The following ANKS3 variants were observed in gnomAD, a reference collection of about 807,000 sequenced individuals.
ANKS3 encodes the protein ankyrin repeat and SAM domain-containing protein 3.
A neutral mutation model predicts 80.7 loss-of-function variants in ANKS3; 62 were observed. The ratio of observed to expected loss-of-function variants is 0.77; its 90% CI spans 0.63 to 0.95. The LOEUF (loss-of-function observed/expected upper bound fraction) is 0.95. Among genes scored for constraint, ANKS3 ranks in the 40% least tolerant of loss-of-function variants. The pLI, the probability that ANKS3 is intolerant of heterozygous loss-of-function variation, is 0.00. For missense variants in ANKS3, 1,150 were observed against 883.6 expected, an observed-to-expected ratio of 1.30 and a Z score of -3.82; for synonymous variants, 489 against 355.3, an observed-to-expected ratio of 1.38 and a Z score of -4.23.
At chr16:4,713,229 T>C (rs1039526917) in intron 7 of ANKS3, among the ~76,000 whole-genome samples, 2 of 151,924 alleles carry the variant, frequency 1.3e-5, no homozygotes, top group Non-Finnish European at 2.9e-5. Context: ...GATCGCTTCA[T>C]TGCACTCCAG....
In ANKS3 at chr16:4,708,035, A is replaced by G. The variant is rs578224386; in HGVS notation, c.710-2782T>C. On this transcript the variant is annotated intron_variant, in intron 7 of 17. Coordinates refer to ENST00000304283, the MANE Select transcript of ANKS3 (RefSeq NM_133450.4). The stretch of plus-strand genomic sequence containing the variant: ...GAGGCTGAGGCAGGAGAGTCGCTTG[A>G]ACCTGGGAGGCAGAGGTTGCAGTGA... 1.4e-3 allele frequency among the ~76,000 whole-genome samples: 218 copies of G among 152,270 alleles called. 1 individual carries two copies. The highest frequency in any genetic ancestry group is 5.1e-3 in the African/African-American group (212 of 41,530).
At chr16:4,697,879 C>A in intron 15 of ANKS3, 98 bp downstream of exon 15, 1 of 1,146,836 alleles carries the variant, frequency 8.7e-7, no homozygotes, top group South Asian at 1.6e-5. Context: ...GAGTGGCTGC[C>A]GGCCGGAGAA....
intron 4 of ANKS3, 73 bp from the exon 5 acceptor site, chr16:4,726,853 T>A: frequency 6.3e-7 from 1 of 1,597,540 alleles, no homozygotes. Context: ...CAGGCGGCCA[T>A]GCTGCAAGAA....
At chr16:4,729,909 C>T in intron 3 of ANKS3, 71 bp downstream of exon 3, 3 of 1,347,966 alleles carry the variant, frequency 2.2e-6, no homozygotes, top group Non-Finnish European at 2.9e-6. Flanking sequence ...TGTGCAAAGC[C>T]CCATCACGTG....
chr16:4,726,951 T>C (rs776218148), intron 4 of ANKS3, 28 bp downstream of exon 4: 1 of 1,613,368 alleles, frequency 6.2e-7, no homozygotes, highest in Non-Finnish European at 8.5e-7. Flanking sequence ...CCCTCAGGTT[T>C]CTGGGCCTGA....
chr16:4,731,974 G>T (rs1194160184), intron 1 of ANKS3, among the ~76,000 whole-genome samples: 1 of 152,180 alleles, frequency 6.6e-6, no homozygotes, highest in Non-Finnish European at 1.5e-5. Context: ...AGGTTGTGAT[G>T]ACCTACAGGT....
intron 8 of ANKS3, 122 bp downstream of exon 8, chr16:4,704,973 T>A (rs1423568565): frequency 7.5e-7 from 1 of 1,325,622 alleles, no homozygotes; most frequent in Non-Finnish European, 1.0e-6. Context: ...GGGCCACCTG[T>A]CCCGCTGCCA....
At chr16:4,709,307 G>A (rs2080364453) in intron 7 of ANKS3, among the ~76,000 whole-genome samples, 1 of 151,762 alleles carries the variant, frequency 6.6e-6, no homozygotes, top group South Asian at 2.1e-4. Flanking sequence ...TAGGGAGGCT[G>A]AGGCAGGAGA....
At chr16:4,726,256 G>C (rs1029309715) in intron 5 of ANKS3, among the ~76,000 whole-genome samples, 40 of 151,888 alleles carry the variant, frequency 2.6e-4, no homozygotes, top group Middle Eastern at 3.2e-3. Flanking sequence ...GATCACAGGC[G>C]TGAGCCACCA....
chr16:4,716,741 C>A (rs1420906134), intron 6 of ANKS3, among the ~76,000 whole-genome samples: 1 of 149,518 alleles, frequency 6.7e-6, no homozygotes, highest in Non-Finnish European at 1.5e-5. Flanking sequence ...GTGGTGAAAC[C>A]CCGTCTCTAC....
rs550736814 is a variant in ANKS3 at position 4,702,629 on chromosome 16, C to A, written c.869-387G>T. On this transcript the variant is annotated intron_variant, in intron 8 of 17. Transcript: ENST00000304283. ...ACCCATCGACCACGTGTCTTTATGT[C>A]CCTGTGACCTTTAACCACAGGCGCT... 1.6e-4 allele frequency among the ~76,000 whole-genome samples: 24 copies of A among 152,270 alleles called. No homozygotes were observed. The South Asian group carries it at 5.0e-3, about 32-fold the overall frequency.
intron 10 of ANKS3, 92 bp downstream of exon 10, chr16:4,701,342 T>A: frequency 7.3e-7 from 1 of 1,376,116 alleles, no homozygotes; most frequent in Non-Finnish European, 9.9e-7. Flanking sequence ...CAGCTGCTTC[T>A]TACATACATG....
chr16:4,698,989 T>A, intron 12 of ANKS3, 48 bp from the exon 13 acceptor site: 1 of 1,613,836 alleles, frequency 6.2e-7, no homozygotes, highest in Non-Finnish European at 8.5e-7. Flanking sequence ...CCAAGAGCGC[T>A]TACATGAGTG....
chr16:4,726,150 G>C (rs568966720), intron 5 of ANKS3, among the ~76,000 whole-genome samples: 1 of 149,990 alleles, frequency 6.7e-6, no homozygotes, highest in African/African-American at 2.5e-5. Flanking sequence ...TAATTTTTTC[G>C]TATTTTTAGT....
In ANKS3 at chr16:4,698,573, C is replaced by A. The variant is rs2079714412; in HGVS notation, c.1578G>T (p.Arg526=). ...GCTCCTGCTCCTGACACACCTGGCC[C>A]CGCGTGGCCTCTACCTCCTCGCAGC... The part of the protein sequence containing the change: ...HKRCEEVEAT[R]GQVCQEQELR... Residue 526 remains arginine (R), a synonymous_variant, in exon 14 of 18, where the codon CGG becomes CGT. Coordinates refer to ENST00000304283, the MANE Select transcript of ANKS3 (RefSeq NM_133450.4). 2 of 1,577,630 alleles carry A rather than the reference C, an allele frequency of 1.3e-6. No homozygotes were observed. Among genetic ancestry groups the A allele is most frequent in the Non-Finnish European group, 1.7e-6 (2 of 1,169,348 alleles).
chr16:4,717,742 C>T (rs1364679211), intron 6 of ANKS3, among the ~76,000 whole-genome samples: 1 of 152,070 alleles, frequency 6.6e-6, no homozygotes, highest in African/African-American at 2.4e-5. Flanking sequence ...CTGACCTCCC[C>T]AGCTCAAGTG....
Position 4,698,886 on chromosome 16 carries a change from C to A in ANKS3, c.1465G>T (p.Ala489Ser). Residue 489 changes from alanine (A) to serine (S), a missense_variant, in exon 13 of 18, where the codon GCC (alanine) becomes TCC (serine). Coordinates refer to ENST00000304283, the MANE Select transcript of ANKS3 (RefSeq NM_133450.4). ...TCCAGGGCATCCCCGGGTGGGCGGG[C>A]ACTGCTGTGCCAGCGGGCAATGGCG... ...TSAIARWHSS[A>S]RPPGDALELA... 2 of 1,600,250 alleles carry A rather than the reference C, an allele frequency of 1.2e-6. No homozygotes were observed. The highest frequency in any genetic ancestry group is 1.7e-6 in the Non-Finnish European group (2 of 1,172,566).
chr16:4,713,868 A>T, intron 7 of ANKS3, 183 bp downstream of exon 7: 1 of 840,616 alleles, frequency 1.2e-6, no homozygotes, highest in Non-Finnish European at 1.8e-6. Flanking sequence ...CTCCATCGTA[A>T]CCATCCTTAT....
intron 6 of ANKS3, among the ~76,000 whole-genome samples, chr16:4,722,606 G>T (rs1166418072): frequency 1.3e-5 from 2 of 149,582 alleles, no homozygotes; most frequent in Non-Finnish European, 3.0e-5. Flanking sequence ...AATACAAATG[G>T]CTAAGAAATC....
Sources: allele counts gnomAD v4.1 joint callset (sites outside exome capture counted in the v4.1 genomes callset), GRCh38; gene constraint gnomAD v4.1.1; transcripts MANE v1.5; gene names NCBI Gene and HGNC (gene_info 2026-07-23, HGNC 2026-07-21).